Variants in TRAIP observed in about 807,000 individuals in gnomAD.
TRAIP encodes E3 ubiquitin-protein ligase TRAIP.
Under a neutral mutation model 65.0 loss-of-function variants are expected in TRAIP, and 37 were observed. The observed-to-expected ratio is 0.57, with a 90% CI of 0.44 to 0.75. TRAIP has a LOEUF of 0.75. TRAIP is among the 30% of genes least tolerant of loss of function. TRAIP has a pLI of 0.00. For synonymous variants in TRAIP, 187 were observed against 219.1 expected (o/e 0.85, Z 1.29); for missense variants, 481 against 579.4 (o/e 0.83, Z 1.74).
At chr3:49,829,927 G>C in intron 12 of TRAIP, 93 bp downstream of exon 12, 1 of 1,588,004 alleles carries the variant, frequency 6.3e-7, no homozygotes, top group Non-Finnish European at 8.6e-7. Context: ...CTCAGTCCTG[G>C]ACCAGGAGTG....
intron 10 of TRAIP, among the ~76,000 whole-genome samples, chr3:49,836,819 C>G (rs1400666401): frequency 1.3e-5 from 2 of 152,114 alleles, no homozygotes; most frequent in African/African-American, 4.8e-5. Context: ...TCACCCTCTC[C>G]CCTGGATACT....
chr3:49,847,072 C>T (rs1363617885), intron 3 of TRAIP, among the ~76,000 whole-genome samples: 2 of 151,574 alleles, frequency 1.3e-5, no homozygotes, highest in Non-Finnish European at 2.9e-5. Context: ...CCCAGCTACT[C>T]GGGAGGCTGA....
chr3:49,835,589 T>A (rs990732065), intron 10 of TRAIP, among the ~76,000 whole-genome samples: 1 of 152,026 alleles, frequency 6.6e-6, no homozygotes, highest in Non-Finnish European at 1.5e-5. Flanking sequence ...TTTACTACAA[T>A]AAAAAATACT....
intron 1 of TRAIP, among the ~76,000 whole-genome samples, chr3:49,854,784 C>T (rs1369543301): frequency 1.3e-5 from 2 of 151,938 alleles, no homozygotes; most frequent in African/African-American, 2.4e-5. Flanking sequence ...AGGCTGGGTG[C>T]GGTGGTTCAC....
chr3:49,851,889 G>A (rs2081934737), intron 1 of TRAIP, among the ~76,000 whole-genome samples: 1 of 150,470 alleles, frequency 6.6e-6, no homozygotes, highest in East Asian at 2.0e-4. Context: ...AGTAAAGACG[G>A]GGTTTCACCA....
chr3:49,848,251 A>C, intron 1 of TRAIP, 51 bp from the exon 2 acceptor site: 1 of 1,597,554 alleles, frequency 6.3e-7, no homozygotes, highest in Non-Finnish European at 8.6e-7. Flanking sequence ...TTGTCTGGGG[A>C]CATAAGCCAG....
In TRAIP at chr3:49,839,806, C is replaced by CCACT. The variant is rs1559447933; in HGVS notation, c.846_849dup (p.Ala284SerfsTer4). 6.2e-7 allele frequency: 1 copy of CCACT among 1,614,252 alleles called. No homozygotes were observed. The highest frequency in any genetic ancestry group is 8.5e-7 in the Non-Finnish European group (1 of 1,180,042). Reference sequence around the variant, plus strand: ...ACCAGGCGGTCGACAGTCTCACTGGCCACTGGTGGCAGGTTCAAGGTTTCC... The same window carrying CCACT: ...ACCAGGCGGTCGACAGTCTCACTGGCCACTCACTGGTGGCAGGTTCAAGGTTTCC... On this transcript the variant is annotated frameshift_variant, in exon 10 of 15. Coordinates refer to ENST00000331456, the MANE Select transcript of TRAIP (RefSeq NM_005879.3). LOFTEE classifies it high-confidence loss of function.
At chr3:49,842,568 T>C (rs776937847) in intron 5 of TRAIP, 21 bp from the exon 6 acceptor site, 4 of 1,609,526 alleles carry the variant, frequency 2.5e-6, no homozygotes, top group East Asian at 2.2e-5. Flanking sequence ...AATACACCCA[T>C]ACCTGATGCT....
At position 49,829,077 on chromosome 3, in the gene TRAIP, C is replaced by G; in HGVS notation, c.*26G>C. ...TGACCTACAAGTTGCAGGCATGTGT[C>G]TGGCCATTGGTCAGACTCACTGTTC... On this transcript the variant is annotated 3_prime_UTR_variant, in exon 15 of 15. Transcript: ENST00000331456. 1 of 1,614,146 alleles carries G rather than the reference C, an allele frequency of 6.2e-7. No individual in the cohort carries two copies.
In TRAIP at chr3:49,843,828, C is replaced by T. The variant is rs1215168395; in HGVS notation, c.381G>A (p.Lys127=). ...TVVSLQQALG[K]AEMLCSTLKK... ...TCAGTGTGGAGCACAGCATCTCGGC[C>T]TTGCCCAAGGCCTGCTGCAGAGATA... Residue 127 remains lysine (K), a synonymous_variant, in exon 5 of 15, where the codon AAG becomes AAA. Transcript: ENST00000331456. The T allele has an allele frequency of 6.2e-7, 1 of 1,613,788 alleles. No individual in the cohort carries two copies. Among genetic ancestry groups the T allele is most frequent in the South Asian group, 1.1e-5 (1 of 91,074 alleles).
chr3:49,842,284 T>C (rs1350091217), intron 6 of TRAIP, among the ~76,000 whole-genome samples, 169 bp downstream of exon 6: 1 of 152,084 alleles, frequency 6.6e-6, no homozygotes, highest in Admixed American at 6.5e-5. Flanking sequence ...GAAGAGTTCA[T>C]AGAGGCTAAG....
At position 49,832,032 on chromosome 3, in the gene TRAIP, C is replaced by A; in HGVS notation, c.921G>T (p.Arg307=). The change falls in exon 11 of 15, where the codon CGG becomes CGT. Residue 307 remains arginine, a synonymous_variant. Transcript: ENST00000331456. The stretch of plus-strand genomic sequence containing the variant: ...GATCAATATCATCACGGAAGGATGG[C>A]CGGCGGAGCTTCAGATTCACCTCCA... ...APVEVNLKLR[R]PSFRDDIDLN... is the part of the protein sequence containing the mutation. 1 of 1,602,370 alleles carries A rather than the reference C, an allele frequency of 6.2e-7. No homozygotes were observed.
At position 49,841,029 on chromosome 3, in the gene TRAIP, C is replaced by A; in HGVS notation, c.661G>T (p.Val221Leu). The change falls in exon 8 of 15, where the codon GTG (valine) becomes TTG (leucine). Residue 221 changes from valine (V) to leucine (L), a missense_variant. Coordinates refer to ENST00000331456, the MANE Select transcript of TRAIP (RefSeq NM_005879.3). The stretch of plus-strand genomic sequence containing the variant: ...AAATCCTTCCTCAGCTTGTCAGCCA[C>A]CTCCCCTGAGGCCTTCCGTGCCTCT... The part of the protein sequence containing the change: ...LKEARKASGE[V>L]ADKLRKDLFS... 2 of 1,614,196 alleles carry A rather than the reference C, an allele frequency of 1.2e-6. No homozygotes were observed. Among genetic ancestry groups the A allele is most frequent in the Non-Finnish European group, 1.7e-6 (2 of 1,180,030 alleles).
intron 1 of TRAIP, among the ~76,000 whole-genome samples, chr3:49,849,251 C>G (rs182533847): frequency 8.1e-4 from 123 of 151,952 alleles, no homozygotes; most frequent in African/African-American, 2.9e-3. Flanking sequence ...CTTAAGTGCT[C>G]CTCCCACCTC....
At chr3:49,849,971 C>T (rs1297853235) in intron 1 of TRAIP, among the ~76,000 whole-genome samples, 1 of 151,188 alleles carries the variant, frequency 6.6e-6, no homozygotes, top group Non-Finnish European at 1.5e-5. Context: ...CTCAGCCTCC[C>T]GAGTAGCTGG....
intron 1 of TRAIP, among the ~76,000 whole-genome samples, chr3:49,852,754 CAAAA>C (rs139661001): frequency 7.2e-6 from 1 of 138,252 alleles, no homozygotes; most frequent in Admixed American, 7.2e-5. Flanking sequence ...GACTCCGTCT[CAAAA>C]AAAAAAGAAA....
intron 4 of TRAIP, 135 bp from the exon 5 acceptor site, chr3:49,844,063 C>T: frequency 8.0e-7 from 1 of 1,249,304 alleles, no homozygotes; most frequent in Non-Finnish European, 1.1e-6. Context: ...GCTGGGTGGC[C>T]CGCTTCTTTC....
chr3:49,847,962 C>G (rs1202945145), intron 2 of TRAIP, among the ~76,000 whole-genome samples, 181 bp downstream of exon 2: 1 of 152,232 alleles, frequency 6.6e-6, no homozygotes, highest in Non-Finnish European at 1.5e-5. Flanking sequence ...CATCTGCCAG[C>G]TACCTGTGGG....
In TRAIP at chr3:49,828,720, C is replaced by T. The variant is rs1254806631; in HGVS notation, c.*383G>A. The T allele has an allele frequency of 7.9e-5, 18 of 228,376 alleles. No individual in the cohort carries two copies. Among genetic ancestry groups the T allele is most frequent in the Non-Finnish European group, 4.5e-5 (5 of 111,102 alleles). The allele number at this position is 228,376 out of a possible 1,614,324, so 14.1% of individuals were successfully genotyped here. A position where few individuals can be genotyped will look rare whatever the true frequency, so the allele number is the denominator to read the frequency against. The stretch of plus-strand genomic sequence containing the variant: ...GCTATGCCTAGAAGCAAGTCAAAGG[C>T]AGGTAGAAGCTTGGGCTGAGGCTGC... On this transcript the variant is annotated 3_prime_UTR_variant, in exon 15 of 15. Coordinates refer to ENST00000331456, the MANE Select transcript of TRAIP (RefSeq NM_005879.3).
Sources: gnomAD v4.1 joint callset for allele counts (sites outside exome capture counted in the v4.1 genomes callset) on GRCh38, gnomAD v4.1.1 for gene constraint, MANE v1.5 for transcripts, NCBI Gene and HGNC (gene_info 2026-07-23, HGNC 2026-07-21) for gene names.